The following PSD3 variants were observed in gnomAD, a reference collection of about 807,000 sequenced individuals.
PSD3 encodes PH and SEC7 domain-containing protein 3.
Under a neutral mutation model 105.5 loss-of-function variants are expected in PSD3, and 49 were observed. That is an observed-to-expected ratio of 0.46 (90% confidence interval 0.37 to 0.59). The LOEUF is 0.59. PSD3 is among the 20% of genes least tolerant of loss of function. The pLI is 0.00. For missense variants in PSD3, 1,561 were observed against 1,263.8 expected, an observed-to-expected ratio of 1.24 and a Z score of -3.57; for synonymous variants, 557 against 457.8, an observed-to-expected ratio of 1.22 and a Z score of -2.77.
intron 11 of PSD3, among the ~76,000 whole-genome samples, chr8:18,622,975 C>A (rs1585417731): frequency 6.6e-6 from 1 of 152,150 alleles, no homozygotes; most frequent in African/African-American, 2.4e-5. Context: ...AATTCTATTA[C>A]TATGGTAAGA....
At chr8:18,635,047 A>T (rs974608714) in intron 10 of PSD3, among the ~76,000 whole-genome samples, 10 of 152,276 alleles carry the variant, frequency 6.6e-5, no homozygotes, top group African/African-American at 1.7e-4. Flanking sequence ...GGACACATGG[A>T]TATTTGTTTT....
chr8:18,960,796 TA>T (rs1209607238), intron 1 of PSD3, among the ~76,000 whole-genome samples: 1 of 152,126 alleles, frequency 6.6e-6, no homozygotes, highest in African/African-American at 2.4e-5. Flanking sequence ...ATCATACTCT[TA>T]AAGACAGGCT....
chr8:19,003,253 T>A (rs1037130450), intron 1 of PSD3, among the ~76,000 whole-genome samples: 5 of 151,946 alleles, frequency 3.3e-5, no homozygotes, highest in African/African-American at 1.2e-4. Flanking sequence ...CCCCTGTAGT[T>A]CCAGCTATTT....
chr8:18,762,921 CTG>C lies in PSD3; in HGVS notation c.2172+2526_2172+2527del, dbSNP rs1213742224. On this transcript the variant is annotated intron_variant, in intron 9 of 15. Coordinates refer to ENST00000327040, the MANE Select transcript of PSD3 (RefSeq NM_015310.4). ...ATACTTTTATTTCAACATGGAATAACTGTTTATTTTATGGAGAAAGACACCTC... is the reference window on the plus strand; with the variant it reads ...ATACTTTTATTTCAACATGGAATAACTTTATTTTATGGAGAAAGACACCTC... 1.1e-5 allele frequency: 14 copies of C among 1,279,108 alleles called. No homozygotes were observed. The East Asian group carries it at 3.9e-4, about 36-fold the overall frequency. The allele number at this position is 1,279,108 out of a possible 1,614,324, so 79.2% of individuals were successfully genotyped here. A position where few individuals can be genotyped will look rare whatever the true frequency, so the allele number is the denominator to read the frequency against.
intron 1 of PSD3, among the ~76,000 whole-genome samples, chr8:18,948,568 G>C (rs1373765414): frequency 1.3e-5 from 2 of 152,170 alleles, no homozygotes; most frequent in Non-Finnish European, 2.9e-5. Context: ...AGAGACTACA[G>C]GCTCACACGA....
intron 12 of PSD3, among the ~76,000 whole-genome samples, chr8:18,581,503 G>A (rs1198542130): frequency 6.6e-6 from 1 of 152,134 alleles, no homozygotes; most frequent in Admixed American, 6.5e-5. Flanking sequence ...CCTGGACTCT[G>A]GAACAGTTTT....
intron 4 of PSD3, among the ~76,000 whole-genome samples, chr8:18,828,332 T>C (rs1404969581): frequency 2.6e-5 from 4 of 152,208 alleles, no homozygotes; most frequent in African/African-American, 9.6e-5. Context: ...CATTGAAGGC[T>C]TTGTTGTACC....
chr8:18,625,594 ACT>A (rs1806419242), intron 11 of PSD3, among the ~76,000 whole-genome samples: 1 of 152,208 alleles, frequency 6.6e-6, no homozygotes. Context: ...ACAGTGACAG[ACT>A]GTCCCAACTA....
chr8:18,863,397 G>T lies in PSD3; in HGVS notation c.1634+4277C>A, dbSNP rs538326652. 1.1e-4 allele frequency among the ~76,000 whole-genome samples: 16 copies of T among 152,154 alleles called. No individual in the cohort carries two copies. In the South Asian group the frequency reaches 3.3e-3, roughly 32 times the overall value. On this transcript the variant is annotated intron_variant, in intron 4 of 15. Transcript: ENST00000327040. Reference sequence around the variant, plus strand: ...ATGTGACAGGACTTCACACAGCACCGCTGACCCCCGGTCAGCCTGAGGGCC... The same window carrying T: ...ATGTGACAGGACTTCACACAGCACCTCTGACCCCCGGTCAGCCTGAGGGCC...
chr8:19,069,758 T>C (rs1333599507), intron 1 of PSD3, among the ~76,000 whole-genome samples: 1 of 152,154 alleles, frequency 6.6e-6, no homozygotes, highest in African/African-American at 2.4e-5. Context: ...CTCAGCTAGC[T>C]GGACTTCAAA....
At chr8:19,050,782 C>A (rs1005113537) in intron 1 of PSD3, among the ~76,000 whole-genome samples, 5 of 152,028 alleles carry the variant, frequency 3.3e-5, no homozygotes, top group African/African-American at 1.2e-4. Flanking sequence ...CACATGTATA[C>A]ATATGTAACT....
chr8:18,834,602 G>A (rs1001211836), intron 4 of PSD3, among the ~76,000 whole-genome samples: 2 of 152,152 alleles, frequency 1.3e-5, no homozygotes, highest in Admixed American at 6.5e-5. Flanking sequence ...AATCTGGGCC[G>A]CGGATACCCA....
chr8:18,557,965 G>A (rs1801177274), intron 14 of PSD3, among the ~76,000 whole-genome samples: 1 of 152,220 alleles, frequency 6.6e-6, no homozygotes, highest in Admixed American at 6.5e-5. Context: ...GGTCATAAGA[G>A]TGGGGCATAT....
chr8:18,723,496 G>T (rs762538615), intron 9 of PSD3, among the ~76,000 whole-genome samples: 1 of 152,118 alleles, frequency 6.6e-6, no homozygotes, highest in Non-Finnish European at 1.5e-5. Flanking sequence ...CTCTACTGAA[G>T]ATCAATTAAA....
At chr8:18,798,905 A>C (rs1810427959) in intron 8 of PSD3, among the ~76,000 whole-genome samples, 1 of 152,158 alleles carries the variant, frequency 6.6e-6, no homozygotes, top group Non-Finnish European at 1.5e-5. Context: ...GAGTTATTCA[A>C]CTCACTATGG....
At chr8:18,604,756 A>G (rs1804692684) in intron 11 of PSD3, among the ~76,000 whole-genome samples, 1 of 152,186 alleles carries the variant, frequency 6.6e-6, no homozygotes, top group Non-Finnish European at 1.5e-5. Flanking sequence ...AAGCCTCGGG[A>G]CACTGCTCCT....
At chr8:18,668,896 T>C (rs1457150454) in intron 9 of PSD3, among the ~76,000 whole-genome samples, 1 of 152,232 alleles carries the variant, frequency 6.6e-6, no homozygotes, top group Non-Finnish European at 1.5e-5. Context: ...ATTTCTTAGC[T>C]TTTCCTTTTG....
chr8:18,602,946 G>C lies in PSD3; in HGVS notation c.2411-2512C>G, dbSNP rs367656486. ...CGTGTGTTTTATTAAACACACAGAG[G>C]TCCGTAAAGAGTTGTAACTTCACAT... On this transcript the variant is annotated intron_variant, in intron 11 of 15. Coordinates refer to ENST00000327040, the MANE Select transcript of PSD3 (RefSeq NM_015310.4). Among the ~76,000 whole-genome samples, 38 of 152,290 alleles carry C rather than the reference G, an allele frequency of 2.5e-4. No individual in the cohort carries two copies. In the East Asian group the frequency reaches 2.7e-3, roughly 11 times the overall value.
At chr8:18,753,752 T>C (rs1346082295) in intron 9 of PSD3, among the ~76,000 whole-genome samples, 1 of 152,178 alleles carries the variant, frequency 6.6e-6, no homozygotes, top group Non-Finnish European at 1.5e-5. Flanking sequence ...TTACTGGCAA[T>C]CTTTCCAATC....
Sources: allele counts gnomAD v4.1 joint callset (sites outside exome capture counted in the v4.1 genomes callset), GRCh38; gene constraint gnomAD v4.1.1; transcripts MANE v1.5; gene names NCBI Gene and HGNC (gene_info 2026-07-23, HGNC 2026-07-21).